AURKA: variants seen among roughly 807,000 people sequenced by gnomAD.
The protein encoded by AURKA is aurora 2.
In AURKA, 12 loss-of-function variants were observed where a neutral mutation model predicts 40.9. That is an observed-to-expected ratio of 0.29 (90% CI 0.19 to 0.48). The LOEUF is 0.48. AURKA is among the 20% of genes least tolerant of loss of function. The pLI, the probability that AURKA is intolerant of heterozygous loss-of-function variation, is 0.99. For synonymous variants in AURKA, 170 were observed against 164.3 expected (o/e 1.03, Z -0.26); for missense variants, 322 against 462.1 (o/e 0.70, Z 2.78).
In AURKA at chr20:56,388,610, G is replaced by T. The variant is rs374185847; in HGVS notation, c.-5-408C>A. On this transcript the variant is annotated intron_variant, in intron 1 of 8. Transcript: ENST00000395915. Reference sequence around the variant, plus strand: ...GCGGATCACCTGAGGTCAAGAGTTCGAGACCAGCCTGGCCAACATGGTGAA... The same window carrying T: ...GCGGATCACCTGAGGTCAAGAGTTCTAGACCAGCCTGGCCAACATGGTGAA... The T allele has an allele frequency of 1.8e-5, 4 of 218,310 alleles. No homozygotes were observed. In the Admixed American group the frequency reaches 2.1e-4, roughly 11 times the overall value. The allele number at this position is 218,310 out of a possible 1,614,324, so 13.5% of individuals were successfully genotyped here.
chr20:56,379,051 A>G (rs1225606596), intron 6 of AURKA, among the ~76,000 whole-genome samples: 1 of 152,268 alleles, frequency 6.6e-6, no homozygotes, highest in African/African-American at 2.4e-5. Flanking sequence ...AAATGATTCC[A>G]TCCTGGGCAT....
Position 56,373,638 on chromosome 20 carries a change from CA to C in AURKA, c.706-83del. Reference sequence around the variant, plus strand: ...TTAGACATCTCTTCCGAAAGGAACACAACATAGATTTAACATGGTTTGCAGG... The same window carrying C: ...TTAGACATCTCTTCCGAAAGGAACACACATAGATTTAACATGGTTTGCAGG... On this transcript the variant is annotated intron_variant, in intron 6 of 8. Transcript: ENST00000395915. This position sits in a 1 kb window ranked among gnomAD's most constrained non-coding sequence, Gnocchi z 5.0. 2.0e-6 allele frequency: 3 copies of C among 1,517,740 alleles called. No individual in the cohort carries two copies. The South Asian group carries it at 3.4e-5, about 17-fold the overall frequency. The allele number at this position is 1,517,740 out of a possible 1,614,324, so 94.0% of individuals were successfully genotyped here.
chr20:56,370,932 C>T (rs1176548984), intron 7 of AURKA, among the ~76,000 whole-genome samples: 1 of 152,332 alleles, frequency 6.6e-6, no homozygotes, highest in East Asian at 1.9e-4. Flanking sequence ...GTATCACTAC[C>T]ATATAAAAGC....
chr20:56,386,318 A>G lies in AURKA; in HGVS notation c.258T>C (p.His86=), dbSNP rs1266590645. Residue 86 remains histidine (H), a synonymous_variant, in exon 3 of 9, where the codon CAT becomes CAC. Coordinates refer to ENST00000395915, the MANE Select transcript of AURKA (RefSeq NM_198437.3). The stretch of plus-strand genomic sequence containing the variant: ...TGTTATTCAGTGGCCTGGAGACAGG[A>G]TGAGGTACACTGGTTGCCTGCAATT... The part of the protein sequence containing the change: ...QKQLQATSVP[H]PVSRPLNNTQ... 23 of 1,614,202 alleles carry G rather than the reference A, an allele frequency of 1.4e-5. No individual in the cohort carries two copies. The highest frequency in any genetic ancestry group is 1.9e-5 in the Non-Finnish European group (23 of 1,180,036).
chr20:56,372,584 G>T (rs1984407398), intron 7 of AURKA, among the ~76,000 whole-genome samples: 4 of 150,250 alleles, frequency 2.7e-5, no homozygotes, highest in Admixed American at 2.6e-4. Context: ...GTGCATTGCT[G>T]GAACAATTAG....
At chr20:56,380,119 G>A (rs1191799477) in intron 6 of AURKA, among the ~76,000 whole-genome samples, 1 of 151,954 alleles carries the variant, frequency 6.6e-6, no homozygotes, top group Non-Finnish European at 1.5e-5. Flanking sequence ...CACTTTGGGA[G>A]GCTGAGGTGG....
intron 1 of AURKA, chr20:56,388,530 G>A (rs1043390956): frequency 1.6e-5 from 6 of 363,868 alleles, no homozygotes; most frequent in African/African-American, 6.1e-5. Context: ...GTCCTCTTTA[G>A]GCCGGGCATG....
intron 4 of AURKA, 43 bp from the exon 5 acceptor site, chr20:56,383,219 C>T (rs2146191626): frequency 1.2e-6 from 2 of 1,602,016 alleles, no homozygotes; most frequent in African/African-American, 1.3e-5. Flanking sequence ...GAAAACAAAG[C>T]TTTTCTAACA....
Position 56,381,495 on chromosome 20 carries a change from G to T in AURKA, c.643C>A (p.Leu215Ile). 1 of 1,613,920 alleles carries T rather than the reference G, an allele frequency of 6.2e-7. No homozygotes were observed. The highest frequency in any genetic ancestry group is 8.5e-7 in the Non-Finnish European group (1 of 1,179,940). The part of the protein sequence containing the change: ...RVYLILEYAP[L>I]GTVYRELQKL... ...TGAAGTTCTCTATAAACTGTTCCAA[G>T]TGGTGCATATTCCAGAATTAGGTAG... Residue 215 changes from leucine (L) to isoleucine (I), a missense_variant, in exon 6 of 9, where the codon CTT (leucine) becomes ATT (isoleucine). Transcript: ENST00000395915.
chr20:56,378,103 G>A (rs1038598828), intron 6 of AURKA, among the ~76,000 whole-genome samples: 2 of 152,162 alleles, frequency 1.3e-5, no homozygotes, highest in East Asian at 3.9e-4. Context: ...GGAGTTTGAG[G>A]TGGGTGATCA....
chr20:56,377,959 AT>A (rs1275340503), intron 6 of AURKA, among the ~76,000 whole-genome samples: 2 of 152,186 alleles, frequency 1.3e-5, no homozygotes, highest in East Asian at 3.9e-4. Context: ...TGAGACCAGG[AT>A]TTCGAAACCG....
In AURKA at chr20:56,369,591, C is replaced by T. The variant is rs1983824307; in HGVS notation, c.*567G>A. 3.9e-6 allele frequency: 1 copy of T among 255,296 alleles called. No individual in the cohort carries two copies. The highest frequency in any genetic ancestry group is 7.7e-6 in the Non-Finnish European group (1 of 129,490). 15.8% of individuals were successfully genotyped at this position (255,296 alleles called of 1,614,324 possible). On this transcript the variant is annotated 3_prime_UTR_variant, in exon 9 of 9. Coordinates refer to ENST00000395915, the MANE Select transcript of AURKA (RefSeq NM_198437.3). Reference sequence around the variant, plus strand: ...TAAGTGGTTAAGGAGGACTAGAAACCCAATCAGGCCTACCGGGGTGCCGGA... The same window carrying T: ...TAAGTGGTTAAGGAGGACTAGAAACTCAATCAGGCCTACCGGGGTGCCGGA...
Position 56,386,252 on chromosome 20 carries a change from T to C in AURKA, c.319+5A>G, listed in dbSNP as rs1487794522. ...CTATCCAATGAGTCTCAAAAGCTAG[T>C]TTACCAGGTGCCGATGGCAGGGGCT... On this transcript the variant is annotated splice_donor_5th_base_variant and intron_variant, in intron 3 of 8. Coordinates refer to ENST00000395915, the MANE Select transcript of AURKA (RefSeq NM_198437.3). The C allele has an allele frequency of 2.5e-6, 4 of 1,614,216 alleles. No homozygotes were observed. Among genetic ancestry groups the C allele is most frequent in the Non-Finnish European group, 3.4e-6 (4 of 1,180,044 alleles).
intron 1 of AURKA, 132 bp from the exon 2 acceptor site, chr20:56,388,334 A>G (rs372214295): frequency 2.4e-6 from 2 of 828,432 alleles, no homozygotes; most frequent in Non-Finnish European, 4.1e-6. Context: ...GTTTTGTCCA[A>G]ATGAAGCTAA....
chr20:56,389,973 C>A (rs368837052), intron 1 of AURKA, among the ~76,000 whole-genome samples: 1 of 152,204 alleles, frequency 6.6e-6, no homozygotes, highest in Admixed American at 6.5e-5. Context: ...CCACTTCCAC[C>A]CTTACCCTGT....
chr20:56,386,662 A>G, intron 2 of AURKA, 129 bp from the exon 3 acceptor site: 1 of 1,070,002 alleles, frequency 9.3e-7, no homozygotes. Context: ...ATGGAAGGTG[A>G]AAAGGTATTT....
chr20:56,373,679 A>G lies in AURKA; in HGVS notation c.706-123T>C. On this transcript the variant is annotated intron_variant, in intron 6 of 8. Coordinates refer to ENST00000395915, the MANE Select transcript of AURKA (RefSeq NM_198437.3). The surrounding 1 kb of genome is among the most constrained non-coding windows in gnomAD (Gnocchi z 5.0). ...TGGTTTGCAGGTTTTGGCCAGGCAC[A>G]GTGGCTCACACCTATAATCCCAACA... 5 of 1,117,176 alleles carry G rather than the reference A, an allele frequency of 4.5e-6. No individual in the cohort carries two copies. The highest frequency in any genetic ancestry group is 2.3e-4 in the Middle Eastern group (1 of 4,404). The allele number at this position is 1,117,176 out of a possible 1,614,324, so 69.2% of individuals were successfully genotyped here. A position where few individuals can be genotyped will look rare whatever the true frequency, so the allele number is the denominator to read the frequency against.
intron 7 of AURKA, among the ~76,000 whole-genome samples, chr20:56,371,008 G>C (rs1371184356): frequency 2.0e-5 from 3 of 152,204 alleles, no homozygotes; most frequent in Non-Finnish European, 4.4e-5. Flanking sequence ...TTACAGATAT[G>C]CTAAGAATCT....
At chr20:56,386,013 A>G (rs1326610735) in intron 3 of AURKA, among the ~76,000 whole-genome samples, 2 of 152,124 alleles carry the variant, frequency 1.3e-5, no homozygotes, top group African/African-American at 2.4e-5. Flanking sequence ...AAGGACACCA[A>G]TTTATGCTGT....
Sources: allele counts gnomAD v4.1 joint callset (sites outside exome capture counted in the v4.1 genomes callset), GRCh38; gene constraint gnomAD v4.1.1; non-coding constraint Gnocchi (gnomAD v3.1); transcripts MANE v1.5; gene names NCBI Gene and HGNC (gene_info 2026-07-23, HGNC 2026-07-21).